SH3RF3: variants seen among roughly 807,000 people sequenced by gnomAD.
SH3RF3 encodes E3 ubiquitin-protein ligase SH3RF3.
In SH3RF3, 29 loss-of-function variants were observed where a neutral mutation model predicts 66.3. The observed-to-expected ratio is 0.44, with a 90% confidence interval of 0.33 to 0.60. SH3RF3 has a LOEUF of 0.60. Ranked by LOEUF, SH3RF3 falls within the 20% of genes least tolerant of loss-of-function variation. The pLI is 0.04. For missense variants in SH3RF3, 1,194 were observed against 1,190.9 expected, an observed-to-expected ratio of 1.00 and a Z score of -0.04; for synonymous variants, 583 against 532.0, an observed-to-expected ratio of 1.10 and a Z score of -1.32.
In SH3RF3 at chr2:109,254,377, C is replaced by T. The variant is rs150382815; in HGVS notation, c.574-93297C>T. The stretch of plus-strand genomic sequence containing the variant: ...TGGCCTCTCTGTGCCTCAGTTTCCC[C>T]ATCTGTAAAATGGGGGCAGCACATT... On this transcript the variant is annotated intron_variant, in intron 1 of 9. Transcript: ENST00000309415. Among the ~76,000 whole-genome samples, 7 of 152,220 alleles carry T rather than the reference C, an allele frequency of 4.6e-5. No homozygotes were observed. In the East Asian group the frequency reaches 1.4e-3, roughly 29 times the overall value.
chr2:109,488,203 C>A (rs1327719746), intron 8 of SH3RF3, among the ~76,000 whole-genome samples: 1 of 152,190 alleles, frequency 6.6e-6, no homozygotes, highest in Non-Finnish European at 1.5e-5. Context: ...AGCCTTAGCA[C>A]TGATGACATT....
chr2:109,251,723 T>C, intron 1 of SH3RF3: 2 of 736,724 alleles, frequency 2.7e-6, no homozygotes, highest in Non-Finnish European at 4.6e-6. Flanking sequence ...AAAAATTAGG[T>C]CGTGTACATT....
At chr2:109,410,850 G>T (rs1676570613) in intron 4 of SH3RF3, among the ~76,000 whole-genome samples, 1 of 109,498 alleles carries the variant, frequency 9.1e-6, no homozygotes, top group African/African-American at 3.5e-5. Flanking sequence ...TCGGAGCAGA[G>T]ATTTCCATTG....
chr2:109,376,916 A>G (rs992942799), intron 3 of SH3RF3, among the ~76,000 whole-genome samples: 34 of 152,198 alleles, frequency 2.2e-4, no homozygotes, highest in Admixed American at 2.0e-3. Flanking sequence ...CTGTGCCTAG[A>G]TAGACCCTAG....
chr2:109,152,669 A>G (rs1172641554), intron 1 of SH3RF3, among the ~76,000 whole-genome samples: 1 of 152,112 alleles, frequency 6.6e-6, no homozygotes, highest in Non-Finnish European at 1.5e-5. Context: ...TAAGCATTTC[A>G]TGGTTTCAAG....
intron 1 of SH3RF3, among the ~76,000 whole-genome samples, chr2:109,233,341 A>C (rs1255845650): frequency 6.6e-6 from 1 of 152,058 alleles, no homozygotes; most frequent in East Asian, 1.9e-4. Context: ...AGAGAGTGGG[A>C]AGATAATCTT....
rs1201821472 is a variant in SH3RF3, at chr2:109,293,523, G to A, written c.574-54151G>A. Among the ~76,000 whole-genome samples the A allele has an allele frequency of 2.0e-5, 3 of 152,244 alleles. No individual in the cohort carries two copies. In the East Asian group the frequency reaches 5.8e-4, roughly 29 times the overall value. The stretch of plus-strand genomic sequence containing the variant: ...GGTGGGTCAGCCCCCATGTCAGGCA[G>A]TCATCCTCTGTCCCCTGCATGCACT... On this transcript the variant is annotated intron_variant, in intron 1 of 9. Coordinates refer to ENST00000309415, the MANE Select transcript of SH3RF3 (RefSeq NM_001099289.3).
At chr2:109,399,281 C>A (rs1676241032) in intron 4 of SH3RF3, among the ~76,000 whole-genome samples, 1 of 152,190 alleles carries the variant, frequency 6.6e-6, no homozygotes, top group Non-Finnish European at 1.5e-5. Flanking sequence ...CTGGAAGAGT[C>A]TTGGCTTAGT....
At chr2:109,263,030 G>T (rs894448227) in intron 1 of SH3RF3, among the ~76,000 whole-genome samples, 1 of 151,894 alleles carries the variant, frequency 6.6e-6, no homozygotes, top group Non-Finnish European at 1.5e-5. Flanking sequence ...ATTTTTGGTA[G>T]AGACAGGGTT....
chr2:109,457,252 A>G (rs754296801), intron 8 of SH3RF3, among the ~76,000 whole-genome samples: 16 of 152,256 alleles, frequency 1.1e-4, no homozygotes, highest in Non-Finnish European at 1.5e-4. Flanking sequence ...TGGATCCTAG[A>G]ATTAAATGAT....
At chr2:109,282,611 A>G (rs1218458806) in intron 1 of SH3RF3, among the ~76,000 whole-genome samples, 1 of 151,562 alleles carries the variant, frequency 6.6e-6, no homozygotes, top group Non-Finnish European at 1.5e-5. Flanking sequence ...CAATGCACGC[A>G]CTCCACCTCT....
intron 3 of SH3RF3, among the ~76,000 whole-genome samples, chr2:109,380,860 C>T (rs1675630423): frequency 6.6e-6 from 1 of 152,230 alleles, no homozygotes; most frequent in Non-Finnish European, 1.5e-5. Flanking sequence ...GAGCCAGACA[C>T]TAATTCAGGG....
At chr2:109,243,768 C>A (rs1203739919) in intron 1 of SH3RF3, among the ~76,000 whole-genome samples, 23 of 152,108 alleles carry the variant, frequency 1.5e-4, no homozygotes, top group Admixed American at 1.5e-3. Context: ...AGTGGTTTTG[C>A]AATCCAGGAA....
chr2:109,300,808 A>T (rs1270448816), intron 1 of SH3RF3, among the ~76,000 whole-genome samples: 1 of 152,148 alleles, frequency 6.6e-6, no homozygotes, highest in African/African-American at 2.4e-5. Flanking sequence ...CATCACCTAG[A>T]GTGTCATTAC....
intron 8 of SH3RF3, among the ~76,000 whole-genome samples, chr2:109,483,218 G>A (rs574572331): frequency 2.6e-5 from 4 of 152,210 alleles, no homozygotes; most frequent in South Asian, 4.2e-4. Context: ...GAAAATTTCC[G>A]AACATAAAAT....
intron 1 of SH3RF3, among the ~76,000 whole-genome samples, chr2:109,147,172 T>C (rs1291795230): frequency 6.6e-6 from 1 of 152,110 alleles, no homozygotes; most frequent in Non-Finnish European, 1.5e-5. Context: ...TGGCACTTCC[T>C]CAAGGTGCCT....
chr2:109,486,150 G>C (rs1482336164), intron 8 of SH3RF3, among the ~76,000 whole-genome samples: 1 of 152,198 alleles, frequency 6.6e-6, no homozygotes, highest in African/African-American at 2.4e-5. Flanking sequence ...TCTGTGTCTT[G>C]ACATTACTCT....
intron 1 of SH3RF3, among the ~76,000 whole-genome samples, chr2:109,249,534 TCCTTCCTTCC>T (rs1680021384): frequency 2.8e-5 from 3 of 109,038 alleles, no homozygotes; most frequent in Non-Finnish European, 3.8e-5. Flanking sequence ...TTTCTTTCTT[TCCTTCCTTCC>T]TTCCTTCCTT....
chr2:109,278,928 G>A (rs1369038142), intron 1 of SH3RF3, among the ~76,000 whole-genome samples: 6 of 152,176 alleles, frequency 3.9e-5, no homozygotes, highest in Admixed American at 3.3e-4. Context: ...CCGAGGCTCC[G>A]TGAGAATGTC....
Sources: allele counts gnomAD v4.1 joint callset (sites outside exome capture counted in the v4.1 genomes callset), GRCh38; gene constraint gnomAD v4.1.1; transcripts MANE v1.5; gene names NCBI Gene and HGNC (gene_info 2026-07-23, HGNC 2026-07-21).